The following SMG1 variants were observed in gnomAD, a reference collection of about 807,000 sequenced individuals.
SMG1 encodes the protein serine/threonine-protein kinase SMG1.
In SMG1, 22 loss-of-function variants were observed where a neutral mutation model predicts 419.9. That is an observed-to-expected ratio of 0.05 (90% CI 0.04 to 0.07). SMG1 has a LOEUF of 0.07. Among genes scored for constraint, SMG1 ranks in the 10% least tolerant of loss-of-function variants. SMG1 has a pLI of 1.00. For synonymous variants in SMG1, 1,538 were observed against 1,553.5 expected (o/e 0.99, Z 0.23); for missense variants, 3,185 against 4,342.0 (o/e 0.73, Z 7.49).
At chr16:18,847,696 G>C in intron 37 of SMG1, 89 bp from the exon 38 acceptor site, 1 of 1,583,084 alleles carries the variant, frequency 6.3e-7, no homozygotes, top group Non-Finnish European at 8.6e-7. Context: ...TTAAGTGTGT[G>C]CAATTGGTGC....
At position 18,882,219 on chromosome 16, in the gene SMG1, C is replaced by T. The variant is rs1279126650; in HGVS notation, c.1239G>A (p.Gly413=). 6.2e-7 allele frequency: 1 copy of T among 1,603,514 alleles called. No individual in the cohort carries two copies. The highest frequency in any genetic ancestry group is 1.3e-5 in the African/African-American group (1 of 74,752). ...RVFSTVVRSI[G]ERFSPIRGPP... ...GACCCCGAATTGGGCTGAAGCGTTC[C>T]CCAATGCTCCTCACCACAGTACTAA... Residue 413 remains glycine, a synonymous_variant, in exon 10 of 63, where the codon GGG becomes GGA. Coordinates refer to ENST00000446231, the MANE Select transcript of SMG1 (RefSeq NM_015092.5).
At position 18,882,156 on chromosome 16, in the gene SMG1, AG is replaced by A; in HGVS notation, c.1293+8del. Reference sequence around the variant, plus strand: ...TTGAATGACACTTGAAATGCCCAAAAGCACTTACATCTGTTACATATGCCTC... The same window carrying A: ...TTGAATGACACTTGAAATGCCCAAAACACTTACATCTGTTACATATGCCTC... On this transcript the variant is annotated splice_region_variant and intron_variant, in intron 10 of 62. Coordinates refer to ENST00000446231, the MANE Select transcript of SMG1 (RefSeq NM_015092.5). The A allele has an allele frequency of 6.5e-7, 1 of 1,536,686 alleles. No homozygotes were observed. Among genetic ancestry groups the A allele is most frequent in the South Asian group, 1.3e-5 (1 of 79,540 alleles).
chr16:18,854,970 CA>C, intron 29 of SMG1, 66 bp from the exon 30 acceptor site: 2 of 1,488,578 alleles, frequency 1.3e-6, no homozygotes, highest in South Asian at 1.3e-5. Context: ...GAAACATGGC[CA>C]AAAAATTATT....
intron 1 of SMG1, among the ~76,000 whole-genome samples, chr16:18,905,489 A>G (rs1055119280): frequency 6.6e-6 from 1 of 152,088 alleles, no homozygotes; most frequent in African/African-American, 2.4e-5. Flanking sequence ...ATCCCATGAG[A>G]CTTTTTCAGT....
At chr16:18,858,882 G>C in intron 28 of SMG1, 140 bp downstream of exon 28, 1 of 657,552 alleles carries the variant, frequency 1.5e-6, no homozygotes, top group Non-Finnish European at 2.4e-6. Flanking sequence ...AAAACTGCCT[G>C]AAAACAGCAT....
chr16:18,898,752 G>A (rs1391562002), intron 1 of SMG1, among the ~76,000 whole-genome samples: 1 of 152,074 alleles, frequency 6.6e-6, no homozygotes, highest in African/African-American at 2.4e-5. Flanking sequence ...TTCACTTCCT[G>A]TTTTCATCAT....
intron 30 of SMG1, among the ~76,000 whole-genome samples, chr16:18,854,237 C>T (rs1361243348): frequency 6.6e-6 from 1 of 151,736 alleles, no homozygotes; most frequent in Non-Finnish European, 1.5e-5. Context: ...CAGGCATGTT[C>T]CACCACACCC....
At chr16:18,881,255 T>C (rs1348431263) in intron 10 of SMG1, among the ~76,000 whole-genome samples, 5 of 152,130 alleles carry the variant, frequency 3.3e-5, no homozygotes, top group African/African-American at 7.2e-5. Flanking sequence ...TCTGAAGTAA[T>C]GGCTTTTTAT....
At chr16:18,848,229 T>C (rs2034378918) in intron 36 of SMG1, among the ~76,000 whole-genome samples, 196 bp from the exon 37 acceptor site, 1 of 152,148 alleles carries the variant, frequency 6.6e-6, no homozygotes, top group African/African-American at 2.4e-5. Context: ...ATTAATATTA[T>C]AAGCTAATGG....
chr16:18,871,773 T>C (rs775058751), intron 15 of SMG1, among the ~76,000 whole-genome samples: 7 of 152,012 alleles, frequency 4.6e-5, no homozygotes, highest in Non-Finnish European at 1.0e-4. Flanking sequence ...ACACCATCTC[T>C]ACTAAAAATA....
At chr16:18,859,313 T>C (rs2035086861) in intron 27 of SMG1, 132 bp from the exon 28 acceptor site, 1 of 660,410 alleles carries the variant, frequency 1.5e-6, no homozygotes, top group Non-Finnish European at 2.6e-6. Context: ...GCCTGCTCTA[T>C]AATAAAATGA....
At chr16:18,863,627 T>C in intron 25 of SMG1, 23 bp downstream of exon 25, 1 of 1,587,754 alleles carries the variant, frequency 6.3e-7, no homozygotes, top group South Asian at 1.1e-5. Flanking sequence ...ATTTGTTTTA[T>C]AACTGGAAAA....
chr16:18,841,432 A>G lies in SMG1; in HGVS notation c.6696+133T>C, dbSNP rs907442867. 9 of 704,350 alleles carry G rather than the reference A, an allele frequency of 1.3e-5. No individual in the cohort carries two copies. The African/African-American group carries it at 1.6e-4, about 13-fold the overall frequency. 43.6% of individuals were successfully genotyped at this position (704,350 alleles called of 1,614,324 possible). On this transcript the variant is annotated intron_variant, in intron 41 of 62. Coordinates refer to ENST00000446231, the MANE Select transcript of SMG1 (RefSeq NM_015092.5). Reference sequence around the variant, plus strand: ...AAAAAAAAAAAAGTACCTCAAAAATACTCTCCTAGGGACCTCAAGTCTTTT... The same window carrying G: ...AAAAAAAAAAAAGTACCTCAAAAATGCTCTCCTAGGGACCTCAAGTCTTTT...
chr16:18,860,199 C>G (rs1193068784), intron 26 of SMG1, among the ~76,000 whole-genome samples: 1 of 152,206 alleles, frequency 6.6e-6, no homozygotes, highest in East Asian at 1.9e-4. Flanking sequence ...GCCTGGGCAA[C>G]AGAGTGAAAC....
intron 1 of SMG1, among the ~76,000 whole-genome samples, chr16:18,924,444 T>A (rs1236507804): frequency 6.6e-6 from 1 of 152,240 alleles, no homozygotes; most frequent in Admixed American, 6.5e-5. Flanking sequence ...TATATACTTA[T>A]ACTGATCACA....
Position 18,860,653 on chromosome 16 carries a change from A to G in SMG1, c.3805+14T>C, listed in dbSNP as rs760721164. ...TGTCCACTAAAATAACTTTAAAACT[A>G]TTTTCTCAAATACCTATTTTTTCTT... On this transcript the variant is annotated intron_variant, in intron 26 of 62. Transcript: ENST00000446231. 1.4e-5 allele frequency: 17 copies of G among 1,258,334 alleles called. No individual in the cohort carries two copies. Among genetic ancestry groups the G allele is most frequent in the Non-Finnish European group, 1.6e-5 (14 of 888,330 alleles). 77.9% of individuals were successfully genotyped at this position (1,258,334 alleles called of 1,614,324 possible).
intron 13 of SMG1, among the ~76,000 whole-genome samples, chr16:18,873,831 G>A (rs1037589273): frequency 1.6e-4 from 24 of 152,046 alleles, no homozygotes; most frequent in Non-Finnish European, 2.9e-4. Context: ...CCTTTACACT[G>A]CCAAGACACT....
At chr16:18,876,479 T>C (rs2036138426) in intron 12 of SMG1, 86 bp from the exon 13 acceptor site, 1 of 1,416,142 alleles carries the variant, frequency 7.1e-7, no homozygotes, top group African/African-American at 1.4e-5. Context: ...TCTGTATTAG[T>C]GCTGACGATA....
intron 49 of SMG1, 107 bp from the exon 50 acceptor site, chr16:18,834,545 G>A: frequency 9.4e-7 from 1 of 1,068,468 alleles, no homozygotes; most frequent in Non-Finnish European, 1.3e-6. Flanking sequence ...GGGAGGCCGA[G>A]GCAGGTAGAT....
Sources: allele counts gnomAD v4.1 joint callset (sites outside exome capture counted in the v4.1 genomes callset), GRCh38; gene constraint gnomAD v4.1.1; transcripts MANE v1.5; gene names NCBI Gene and HGNC (gene_info 2026-07-23, HGNC 2026-07-21).